HCK: variants seen among roughly 807,000 people sequenced by gnomAD.
HCK encodes HCK proto-oncogene, Src family tyrosine kinase.
Under a neutral mutation model 70.4 loss-of-function variants are expected in HCK, and 40 were observed. The ratio of observed to expected loss-of-function variants is 0.57; its 90% confidence interval spans 0.44 to 0.74. The LOEUF (loss-of-function observed/expected upper bound fraction) is 0.74, where lower values mean the gene tolerates loss of function less well. HCK is among the 30% of genes least tolerant of loss of function. The probability of loss-of-function intolerance (pLI) is 0.00; values close to 1 mark genes in which losing one functional copy is unlikely to be tolerated. For missense variants in HCK, 568 were observed against 697.2 expected (o/e 0.81, Z 2.09); for synonymous variants, 245 against 263.2 (o/e 0.93, Z 0.67).
chr20:32,064,396 C>G (rs1359839574), intron 1 of HCK, among the ~76,000 whole-genome samples: 3 of 152,190 alleles, frequency 2.0e-5, no homozygotes, highest in Non-Finnish European at 4.4e-5. Context: ...AATCCATAAA[C>G]TGAGACTAGG....
intron 1 of HCK, among the ~76,000 whole-genome samples, chr20:32,053,773 C>T (rs910663843): frequency 2.6e-5 from 4 of 151,898 alleles, no homozygotes; most frequent in Admixed American, 1.3e-4. Context: ...TAGCCTACAT[C>T]AGCATCACCT....
intron 11 of HCK, 71 bp from the exon 12 acceptor site, chr20:32,098,920 GCCCTTGCCTGTTC>G: frequency 6.7e-7 from 1 of 1,481,662 alleles, no homozygotes; most frequent in Non-Finnish European, 9.3e-7. Flanking sequence ...GGCAGCTCTT[GCCCTTGCCTGTTC>G]CCCCACCTTA....
At chr20:32,101,268 C>A (rs1354493382) in intron 12 of HCK, 49 bp from the exon 13 acceptor site, 4 of 1,565,522 alleles carry the variant, frequency 2.6e-6, no homozygotes, top group South Asian at 1.1e-5. Context: ...CACCCCTGGG[C>A]TCTCATTTCC....
intron 12 of HCK, 57 bp from the exon 13 acceptor site, chr20:32,101,260 C>T (rs546500695): frequency 1.3e-6 from 2 of 1,526,222 alleles, no homozygotes; most frequent in South Asian, 2.3e-5. Flanking sequence ...GGGCCTGCCA[C>T]CCCTGGGCTC....
intron 1 of HCK, among the ~76,000 whole-genome samples, chr20:32,071,281 G>A (rs535704439): frequency 7.2e-5 from 11 of 152,218 alleles, no homozygotes; most frequent in Admixed American, 1.3e-4. Flanking sequence ...TGGGGTGGAG[G>A]GGCCAAGGAT....
intron 6 of HCK, among the ~76,000 whole-genome samples, chr20:32,080,412 T>C (rs1319219966): frequency 6.6e-6 from 1 of 152,168 alleles, no homozygotes; most frequent in African/African-American, 2.4e-5. Context: ...TTGGCCAGTA[T>C]GGTCTCGATC....
rs1183208190 is a variant in HCK, at chr20:32,094,781, GAGAAAGAGAAAGAAAGAA to G, written c.1246+773_1246+790del. On this transcript the variant is annotated intron_variant, in intron 11 of 12. Coordinates refer to ENST00000375852, the MANE Select transcript of HCK (RefSeq NM_002110.5). ...AGAAAGAAGGAAAGAAAGAAAGAGA[GAGAAAGAGAAAGAAAGAA>G]AGAAAGAAAGAAAGAAAGAAAGAAA... 6.7e-5 allele frequency among the ~76,000 whole-genome samples: 6 copies of G among 89,108 alleles called. No homozygotes were observed. In the East Asian group the frequency reaches 1.4e-3, roughly 20 times the overall value. The allele number at this position is 89,108 out of a possible 152,430, so 58.5% of individuals were successfully genotyped here.
intron 1 of HCK, among the ~76,000 whole-genome samples, chr20:32,059,365 C>T (rs140081700): frequency 1.3e-5 from 2 of 148,378 alleles, no homozygotes; most frequent in East Asian, 4.1e-4. Context: ...TCCTCCTCCT[C>T]TTCCTCCTCC....
intron 1 of HCK, among the ~76,000 whole-genome samples, chr20:32,059,550 C>G (rs991485663): frequency 6.7e-6 from 1 of 149,858 alleles, no homozygotes; most frequent in Admixed American, 6.7e-5. Context: ...GGGTCTCGCT[C>G]TGTCTCCCAG....
At chr20:32,089,455 G>A (rs890083183) in intron 10 of HCK, among the ~76,000 whole-genome samples, 1 of 152,226 alleles carries the variant, frequency 6.6e-6, no homozygotes, top group Non-Finnish European at 1.5e-5. Context: ...AAATGAAAAT[G>A]TTCCTGTCCT....
chr20:32,064,279 C>A (rs954331976), intron 1 of HCK, among the ~76,000 whole-genome samples: 1 of 152,306 alleles, frequency 6.6e-6, no homozygotes, highest in African/African-American at 2.4e-5. Flanking sequence ...CAGGCATGAG[C>A]CACCGCGCCC....
At chr20:32,086,874 G>A (rs2045796545) in intron 9 of HCK, 67 bp downstream of exon 9, 5 of 1,429,710 alleles carry the variant, frequency 3.5e-6, no homozygotes, top group Non-Finnish European at 4.7e-6. Flanking sequence ...CCCAAGGGTG[G>A]CTTGGACATG....
intron 12 of HCK, among the ~76,000 whole-genome samples, chr20:32,099,419 G>A (rs1203794202): frequency 2.8e-5 from 4 of 142,772 alleles, no homozygotes; most frequent in East Asian, 4.2e-4. Context: ...GTGCAGTGAC[G>A]TGATCTCGGC....
intron 1 of HCK, among the ~76,000 whole-genome samples, chr20:32,067,830 C>T (rs1442876679): frequency 6.6e-6 from 1 of 151,894 alleles, no homozygotes. Flanking sequence ...CAGTAAAATC[C>T]ACACTGAGAT....
At chr20:32,056,625 C>T (rs1279949691) in intron 1 of HCK, among the ~76,000 whole-genome samples, 2 of 152,064 alleles carry the variant, frequency 1.3e-5, no homozygotes, top group Non-Finnish European at 1.5e-5. Context: ...ATTGGCTTCA[C>T]ATCCTTGCCA....
intron 8 of HCK, among the ~76,000 whole-genome samples, chr20:32,085,166 C>A (rs936620720): frequency 2.0e-5 from 3 of 152,202 alleles, no homozygotes; most frequent in Admixed American, 6.5e-5. Flanking sequence ...AACAACTCAG[C>A]CAGATAAAAT....
intron 1 of HCK, among the ~76,000 whole-genome samples, chr20:32,064,349 C>T (rs1482174446): frequency 1.3e-5 from 2 of 152,166 alleles, no homozygotes; most frequent in Non-Finnish European, 2.9e-5. Flanking sequence ...GTCACAGATC[C>T]ACCTCTACAG....
chr20:32,067,925 G>T (rs2045483549), intron 1 of HCK, among the ~76,000 whole-genome samples: 1 of 151,856 alleles, frequency 6.6e-6, no homozygotes, highest in South Asian at 2.1e-4. Context: ...TGATATATTG[G>T]GTAAAATAAA....
At chr20:32,092,598 G>T (rs1218237179) in intron 10 of HCK, among the ~76,000 whole-genome samples, 1 of 152,020 alleles carries the variant, frequency 6.6e-6, no homozygotes, top group African/African-American at 2.4e-5. Flanking sequence ...CTGCTCGAAG[G>T]CCTCTAATAT....
Sources: allele counts gnomAD v4.1 joint callset (sites outside exome capture counted in the v4.1 genomes callset), GRCh38; gene constraint gnomAD v4.1.1; transcripts MANE v1.5; gene names NCBI Gene and HGNC (gene_info 2026-07-23, HGNC 2026-07-21).